The following POM121 variants were observed in gnomAD, a reference collection of about 807,000 sequenced individuals.
POM121 encodes the protein nuclear envelope pore membrane protein POM 121.
A neutral mutation model predicts 81.3 loss-of-function variants in POM121; 32 were observed. The observed-to-expected ratio is 0.39, with a 90% CI of 0.30 to 0.53. POM121 has a LOEUF of 0.53. POM121 is among the 20% of genes least tolerant of loss of function. The pLI, the probability that POM121 is intolerant of heterozygous loss-of-function variation, is 0.66. For synonymous variants in POM121, 514 were observed against 694.2 expected, an observed-to-expected ratio of 0.74 and a Z score of 4.08; for missense variants, 1,138 against 1,614.6, an observed-to-expected ratio of 0.70 and a Z score of 5.06.
At chr7:72,915,093 G>A (rs1248065426) in intron 4 of POM121, among the ~76,000 whole-genome samples, 1 of 152,182 alleles carries the variant, frequency 6.6e-6, no homozygotes, top group Non-Finnish European at 1.5e-5. Flanking sequence ...CAACAATCTT[G>A]AGAGAATCAA....
At chr7:72,899,826 A>G (rs1297309905) in intron 3 of POM121, among the ~76,000 whole-genome samples, 2 of 151,790 alleles carry the variant, frequency 1.3e-5, no homozygotes, top group Non-Finnish European at 1.5e-5. Flanking sequence ...TGATCCACCC[A>G]CCTCGGCCTC....
chr7:72,893,899 C>T (rs1383367852), intron 3 of POM121, among the ~76,000 whole-genome samples: 4 of 152,106 alleles, frequency 2.6e-5, no homozygotes, highest in Non-Finnish European at 4.4e-5. Flanking sequence ...CTCAACTCGG[C>T]GCCGTGTCTC....
At chr7:72,926,700 T>C in intron 2 of POM121, 102 bp from the exon 3 acceptor site, 1 of 1,519,038 alleles carries the variant, frequency 6.6e-7, no homozygotes, top group East Asian at 2.3e-5. Flanking sequence ...TAAATTATAC[T>C]TTGGCCTGTT....
intron 11 of POM121, 22 bp from the exon 12 acceptor site, chr7:72,945,564 C>G (rs781927822): frequency 2.5e-6 from 4 of 1,613,166 alleles, no homozygotes; most frequent in Non-Finnish European, 2.5e-6. Context: ...CACTGGCCAG[C>G]TCTCTGTTCT....
In POM121 at chr7:72,893,636, C is replaced by T. The variant is rs192214817; in HGVS notation, c.-216+2526C>T. On this transcript the variant is annotated intron_variant, in intron 3 of 15. Transcript: ENST00000395270. ...ACCGTCTTAACCATTTTTAAGTGTA[C>T]GGTAATGTTAACTGTATTTGCATTG... Among the ~76,000 whole-genome samples, 40 of 152,250 alleles carry T rather than the reference C, an allele frequency of 2.6e-4. 1 individual carries two copies. The East Asian group carries it at 3.3e-3, about 13-fold the overall frequency.
exon 2 of POM121, chr7:72,890,666 C>T (rs1299222609): frequency 7.5e-6 from 12 of 1,601,454 alleles, no homozygotes; most frequent in Non-Finnish European, 1.0e-5. Flanking sequence ...GGATTTCACC[C>T]AGGAGGAGTG....
intron 3 of POM121, among the ~76,000 whole-genome samples, chr7:72,897,748 TG>T (rs549524139): frequency 3.0e-4 from 46 of 152,218 alleles, no homozygotes; most frequent in African/African-American, 1.0e-3. Context: ...TGGCCAGGTG[TG>T]GTGGCTCAGG....
chr7:72,949,844 A>G (rs1277923514), downstream of POM121: 4 of 1,510,686 alleles, frequency 2.6e-6, no homozygotes, highest in African/African-American at 4.2e-5. Context: ...TGTGGCACTC[A>G]CCCTTGGTTC....
chr7:72,938,371 G>A (rs1441900895), intron 5 of POM121, among the ~76,000 whole-genome samples: 7 of 151,456 alleles, frequency 4.6e-5, no homozygotes, highest in African/African-American at 1.7e-4. Context: ...CAGTTTTTTT[G>A]TAGAGACAGG....
At position 72,926,790 on chromosome 7, in the gene POM121, C is replaced by A; in HGVS notation, c.861-12C>A. The A allele has an allele frequency of 6.2e-7, 1 of 1,611,562 alleles. No individual in the cohort carries two copies. On this transcript the variant is annotated splice_polypyrimidine_tract_variant and intron_variant, in intron 2 of 12. Coordinates refer to ENST00000434423, the MANE Select transcript of POM121 (RefSeq NM_001387691.1). The stretch of plus-strand genomic sequence containing the variant: ...AAATATCTTACAGCTAGAATCTTGT[C>A]TTTCATTGTAGACCAGAGCAGATAA...
intron 3 of POM121, among the ~76,000 whole-genome samples, chr7:72,892,239 A>C (rs1363691711): frequency 1.3e-5 from 2 of 152,148 alleles, no homozygotes; most frequent in African/African-American, 4.8e-5. Flanking sequence ...GTATTTTTGC[A>C]GCTTGCCTCC....
At chr7:72,903,309 C>T (rs1412245761) in intron 3 of POM121, among the ~76,000 whole-genome samples, 11 of 152,100 alleles carry the variant, frequency 7.2e-5, no homozygotes, top group South Asian at 4.1e-4. Context: ...TGGTGGTATG[C>T]GCCTATAATC....
In POM121 at chr7:72,948,211, C is replaced by G. The variant is rs1399335903; in HGVS notation, c.*1977C>G. ...TTCCATTACAAATAGAGACTTCATT[C>G]CTGTTGAGTCTAGTTGGAATTTTTA... On this transcript the variant is annotated 3_prime_UTR_variant, in exon 13 of 13. Coordinates refer to ENST00000434423, the MANE Select transcript of POM121 (RefSeq NM_001387691.1). The G allele has an allele frequency of 6.9e-7, 1 of 1,445,014 alleles. No individual in the cohort carries two copies. Among genetic ancestry groups the G allele is most frequent in the Non-Finnish European group, 9.1e-7 (1 of 1,104,286 alleles). The allele number at this position is 1,445,014 out of a possible 1,614,324, so 89.5% of individuals were successfully genotyped here. A position where few individuals can be genotyped will look rare whatever the true frequency, so the allele number is the denominator to read the frequency against.
chr7:72,882,161 G>A lies in POM121; in HGVS notation c.-521+2276G>A, dbSNP rs556541355. 8.5e-5 allele frequency among the ~76,000 whole-genome samples: 13 copies of A among 152,298 alleles called. No individual in the cohort carries two copies. In the East Asian group the frequency reaches 2.5e-3, roughly 29 times the overall value. On this transcript the variant is annotated intron_variant, in intron 1 of 15. Coordinates refer to the POM121 transcript ENST00000395270. ...CACACTGCTATAGAGAAATAACCAA[G>A]ACTGGGTAATTTATAAAGAAAAGAG...
exon 2 of POM121, chr7:72,890,686 G>T: frequency 6.2e-7 from 1 of 1,601,540 alleles, no homozygotes; most frequent in African/African-American, 1.3e-5. Context: ...GGTGGCAACT[G>T]GACCCTGATG....
At chr7:72,924,273 T>G (rs2129577583), upstream of POM121, 1 of 152,286 alleles carries the variant, frequency 6.6e-6, no homozygotes, top group Non-Finnish European at 1.5e-5. Context: ...CTTACACATC[T>G]TCCTAACTAA....
At chr7:72,948,787 G>C (rs201023191), downstream of POM121, 9 of 1,575,820 alleles carry the variant, frequency 5.7e-6, no homozygotes, top group Non-Finnish European at 7.9e-6. Flanking sequence ...GGTGGGGCCG[G>C]GCAGGCAGGG....
chr7:72,887,716 A>G (rs1292351024), intron 1 of POM121, among the ~76,000 whole-genome samples: 1 of 152,142 alleles, frequency 6.6e-6, no homozygotes, highest in African/African-American at 2.4e-5. Flanking sequence ...AATCCCAGCT[A>G]CTCGGGAGGC....
chr7:72,903,304 G>A (rs1792898372), intron 3 of POM121, among the ~76,000 whole-genome samples: 1 of 152,086 alleles, frequency 6.6e-6, no homozygotes. Flanking sequence ...GGACATGGTG[G>A]TATGCGCCTA....
Sources: allele counts gnomAD v4.1 joint callset (sites outside exome capture counted in the v4.1 genomes callset), GRCh38; gene constraint gnomAD v4.1.1; transcripts MANE v1.5; gene names NCBI Gene and HGNC (gene_info 2026-07-23, HGNC 2026-07-21).